Variants in CHAT observed in about 807,000 individuals in gnomAD.
CHAT encodes acetyl CoA:choline O-acetyltransferase.
In CHAT, 61 loss-of-function variants were observed where a neutral mutation model predicts 76.9. The observed-to-expected ratio is 0.79, with a 90% CI of 0.65 to 0.98. The LOEUF is 0.98. CHAT is among the 50% of genes least tolerant of loss of function. The pLI is 0.00. For missense variants in CHAT, 946 were observed against 986.9 expected (o/e 0.96, Z 0.56); for synonymous variants, 407 against 397.4 (o/e 1.02, Z -0.29).
chr10:49,649,684 C>A, intron 10 of CHAT, 48 bp downstream of exon 10: 1 of 1,606,824 alleles, frequency 6.2e-7, no homozygotes, highest in Middle Eastern at 1.7e-4. Context: ...GGGACCACCC[C>A]GCCCTTGCCT....
At chr10:49,611,011 A>G (rs751873022), upstream of CHAT, 3 of 1,613,670 alleles carry the variant, frequency 1.9e-6, no homozygotes, top group Non-Finnish European at 1.7e-6. Flanking sequence ...GGCCAATGCC[A>G]GCGCCTACAC....
intron 5 of CHAT, among the ~76,000 whole-genome samples, chr10:49,624,523 A>G (rs1838844151): frequency 6.6e-6 from 1 of 152,128 alleles, no homozygotes; most frequent in Non-Finnish European, 1.5e-5. Flanking sequence ...CTGTCTCACT[A>G]CCTGACAGTC....
At chr10:49,611,020 A>G (rs1838279783), upstream of CHAT, 2 of 1,613,700 alleles carry the variant, frequency 1.2e-6, no homozygotes, top group Admixed American at 1.7e-5. Flanking sequence ...CAGCGCCTAC[A>G]CGGCCAACAC....
At chr10:49,612,557 T>C, upstream of CHAT, 1 of 551,450 alleles carries the variant, frequency 1.8e-6, no homozygotes, top group Non-Finnish European at 3.2e-6. Context: ...AGCGAAGCCA[T>C]CGCGCTCCTT....
intron 7 of CHAT, among the ~76,000 whole-genome samples, chr10:49,639,540 TACAC>T (rs3050615): frequency 0.1 from 14,970 of 147,660 alleles, 1,115 homozygotes; most frequent in East Asian, 0.19. Flanking sequence ...AGTATATATA[TACAC>T]ACACACACAC....
In CHAT at chr10:49,649,600, A is replaced by C. The variant is rs763439208; in HGVS notation, c.1475A>C (p.Gln492Pro). ...CGGTGGAAATGCTCCCCGGAAATTCAAGGCCACTTAGCCTCCTCGGCAGAA... is the reference window on the plus strand; with the variant it reads ...CGGTGGAAATGCTCCCCGGAAATTCCAGGCCACTTAGCCTCCTCGGCAGAA... ...RLRWKCSPEIQGHLASSAEKL... is the reference protein window; with the variant it reads ...RLRWKCSPEIPGHLASSAEKL... The change falls in exon 10 of 15, where the codon CAA becomes CCA. Residue 492 changes from glutamine (Q) to proline (P), a missense_variant. Physicochemically the swap from Gln to Pro is moderately conservative, Grantham distance 76. Transcript: ENST00000337653. The C allele has an allele frequency of 2.5e-6, 4 of 1,613,848 alleles. No homozygotes were observed. In the Admixed American group the frequency reaches 6.7e-5, roughly 27 times the overall value.
rs148155075 is a variant in CHAT, at chr10:49,619,831, T to C, written c.494T>C (p.Ile165Thr). The part of the protein sequence containing the change: ...SEEQFRKSQA[I>T]VQQFGAPGGL... ...GAGCAGTTCAGGAAGAGCCAGGCCA[T>C]TGTGCAGCAGTTTGGGGCCCCTGGT... Residue 165 changes from isoleucine to threonine, a missense_variant, in exon 3 of 15, where the codon ATT becomes ACT. Ile to Thr is a moderately conservative substitution (Grantham distance 89). Transcript: ENST00000337653. 3.0e-5 allele frequency: 49 copies of C among 1,613,924 alleles called. No individual in the cohort carries two copies. The African/African-American group carries it at 5.6e-4, about 18-fold the overall frequency.
At chr10:49,628,988 G>A (rs539101803) in intron 7 of CHAT, among the ~76,000 whole-genome samples, 127 of 152,386 alleles carry the variant, frequency 8.3e-4, no homozygotes, top group African/African-American at 2.9e-3. Flanking sequence ...GCTCCTTGCC[G>A]CACGCAGAGC....
intron 5 of CHAT, among the ~76,000 whole-genome samples, 178 bp from the exon 6 acceptor site, chr10:49,625,295 A>G (rs954139226): frequency 6.6e-6 from 1 of 152,186 alleles, no homozygotes; most frequent in Non-Finnish European, 1.5e-5. Context: ...TGTTGTGGAA[A>G]TGGGGCCTCC....
Position 49,627,664 on chromosome 10 carries a change from C to A in CHAT, c.990C>A (p.Phe330Leu). 1 of 1,614,154 alleles carries A rather than the reference C, an allele frequency of 6.2e-7. No individual in the cohort carries two copies. The highest frequency in any genetic ancestry group is 1.1e-5 in the South Asian group (1 of 91,076). ...GCCGTCTCAGTGAGGGGGATCTGTT[C>A]ACTCAGTTGAGAAAGATAGTCAAAA... ...NFRRLSEGDLFTQLRKIVKMA... is the reference protein window; with the variant it reads ...NFRRLSEGDLLTQLRKIVKMA... Residue 330 changes from phenylalanine (F) to leucine (L), a missense_variant, in exon 7 of 15, where the codon TTC becomes TTA. Around this residue, in one of 3 missense-constraint regions of CHAT, gnomAD observed 548 missense variants for 516.2 expected, o/e 1.06. Coordinates refer to ENST00000337653, the MANE Select transcript of CHAT (RefSeq NM_020549.5).
At chr10:49,659,728 G>A (rs1220034190) in intron 13 of CHAT, among the ~76,000 whole-genome samples, 2 of 152,084 alleles carry the variant, frequency 1.3e-5, no homozygotes, top group Non-Finnish European at 2.9e-5. Context: ...CAGGTGTGGT[G>A]GCACATACCT....
chr10:49,614,113 G>A lies in CHAT; in HGVS notation c.-77G>A. On this transcript the variant is annotated 5_prime_UTR_variant, in exon 1 of 15. Coordinates refer to ENST00000337653, the MANE Select transcript of CHAT (RefSeq NM_020549.5). ...CTTCTAGAGCCTAAATTTGTTGCCC[G>A]AGTTCCTCCGGGAAGCGCTCCGGGT... 6.5e-7 allele frequency: 1 copy of A among 1,544,904 alleles called. No homozygotes were observed. Among genetic ancestry groups the A allele is most frequent in the Non-Finnish European group, 8.7e-7 (1 of 1,146,260 alleles).
chr10:49,628,460 C>T (rs1159356487), intron 7 of CHAT, among the ~76,000 whole-genome samples: 3 of 152,190 alleles, frequency 2.0e-5, no homozygotes, highest in Non-Finnish European at 2.9e-5. Flanking sequence ...CAGAATTTTA[C>T]TGGGTCAGGC....
chr10:49,630,560 C>T (rs1564478803), intron 7 of CHAT, among the ~76,000 whole-genome samples: 1 of 152,038 alleles, frequency 6.6e-6, no homozygotes, highest in African/African-American at 2.4e-5. Flanking sequence ...TGAGTATGGT[C>T]GACTTTTTCT....
chr10:49,641,475 C>G (rs1183659693), intron 7 of CHAT, among the ~76,000 whole-genome samples: 1 of 152,144 alleles, frequency 6.6e-6, no homozygotes, highest in Non-Finnish European at 1.5e-5. Context: ...TTTAAAGGTG[C>G]CTGATGTAAC....
In CHAT at chr10:49,648,417, C is replaced by T. The variant is rs1839750793; in HGVS notation, c.1282-90C>T. The T allele has an allele frequency of 4.5e-6, 4 of 897,404 alleles. No individual in the cohort carries two copies. In the East Asian group the frequency reaches 1.0e-4, roughly 23 times the overall value. The allele number at this position is 897,404 out of a possible 1,614,324, so 55.6% of individuals were successfully genotyped here. A position where few individuals can be genotyped will look rare whatever the true frequency, so the allele number is the denominator to read the frequency against. ...CTGGTGTCCCTGGAGAAGAGGTGCC[C>T]TGAGAAGCCAGGGGCCTAACCTGGG... is the stretch of plus-strand genomic sequence containing the variant. On this transcript the variant is annotated intron_variant, in intron 8 of 14. Coordinates refer to ENST00000337653, the MANE Select transcript of CHAT (RefSeq NM_020549.5).
In CHAT at chr10:49,614,519, G is replaced by T. The variant is rs566512736; in HGVS notation, c.286+44G>T. Reference sequence around the variant, plus strand: ...CTGGGCTGGCGGAGCGCGGTGCCGGGAGCAAGGGCGGCGGTCGGGGGCTCT... The same window carrying T: ...CTGGGCTGGCGGAGCGCGGTGCCGGTAGCAAGGGCGGCGGTCGGGGGCTCT... On this transcript the variant is annotated intron_variant, in intron 1 of 14. Coordinates refer to ENST00000337653, the MANE Select transcript of CHAT (RefSeq NM_020549.5). 96 of 1,516,708 alleles carry T rather than the reference G, an allele frequency of 6.3e-5. No individual in the cohort carries two copies. The African/African-American group carries it at 1.1e-3, about 18-fold the overall frequency. 94.0% of individuals were successfully genotyped at this position (1,516,708 alleles called of 1,614,324 possible).
At chr10:49,612,208 C>T (rs1441883375), upstream of CHAT, 2 of 1,609,096 alleles carry the variant, frequency 1.2e-6, no homozygotes, top group East Asian at 2.2e-5. Context: ...TGATGAGCCA[C>T]CGCAAGGTCT....
upstream of CHAT, chr10:49,613,015 C>G (rs1169965965): frequency 6.6e-6 from 1 of 152,452 alleles, no homozygotes; most frequent in Non-Finnish European, 1.5e-5. Context: ...CCCGCTCCAG[C>G]TAGGCACGCC....
Sources: allele counts gnomAD v4.1 joint callset (sites outside exome capture counted in the v4.1 genomes callset), GRCh38; gene constraint gnomAD v4.1.1; regional missense constraint gnomAD v4.1.1; transcripts MANE v1.5; gene names NCBI Gene and HGNC (gene_info 2026-07-23, HGNC 2026-07-21).